The following SYTL5 variants were observed in gnomAD, a reference collection of about 807,000 sequenced individuals.
SYTL5 encodes the protein synaptotagmin-like protein 5.
Under a neutral mutation model 55.9 loss-of-function variants are expected in SYTL5, and 34 were observed. The observed-to-expected ratio is 0.61, with a 90% confidence interval of 0.46 to 0.81. The LOEUF (loss-of-function observed/expected upper bound fraction) is 0.81, where lower values mean the gene tolerates loss of function less well. Ranked by LOEUF, SYTL5 falls within the 30% of genes least tolerant of loss-of-function variation. The pLI is 0.00. For missense variants in SYTL5, 637 were observed against 546.7 expected (o/e 1.17, Z -1.65); for synonymous variants, 221 against 188.7 (o/e 1.17, Z -1.40).
At position 38,073,638 on chromosome X, in the gene SYTL5, AG is replaced by A; in HGVS notation, c.495del (p.Lys165AsnfsTer36). On this transcript the variant is annotated frameshift_variant, in exon 5 of 17. Transcript: ENST00000297875. LOFTEE classifies it high-confidence loss of function. ...GAGCAAACCCGCCAGGATGCAGAAA[AG>A]TCAGACACTTCACCTGTTGCTGGGA... Reference protein sequence around the residue: ...SQEQTRQDAEKSDTSPVAGKK... With the variant: ...SQEQTRQDAEXSDTSPVAGKK... 5 of 1,200,719 alleles carry A rather than the reference AG, an allele frequency of 4.2e-6. No individual in the cohort carries two copies. Among genetic ancestry groups the A allele is most frequent in the Non-Finnish European group, 5.6e-6 (5 of 890,019 alleles).
chrX:38,115,239 C>T lies in SYTL5; in HGVS notation c.1596+4757C>T, dbSNP rs751387014. ...GTGGCTCACGCCTGTAATCCCAGCA[C>T]TTTGGGAGGCCGAGGCGGGCGGATC... On this transcript the variant is annotated intron_variant, in intron 13 of 16. Coordinates refer to ENST00000297875, the MANE Select transcript of SYTL5 (RefSeq NM_138780.3). Among the ~76,000 whole-genome samples, 449 of 104,122 alleles carry T rather than the reference C, an allele frequency of 4.3e-3. 6 individuals carry two copies. The highest frequency in any genetic ancestry group is 0.015 in the Middle Eastern group (3 of 197). The allele number at this position is 104,122 out of a possible 115,157, so 90.4% of individuals were successfully genotyped here.
At chrX:38,029,500 C>T (rs1334061995) in intron 1 of SYTL5, among the ~76,000 whole-genome samples, 1 of 111,944 alleles carries the variant, frequency 8.9e-6, no homozygotes, top group Non-Finnish European at 1.9e-5. Flanking sequence ...CCAGGTGTGG[C>T]ACCTAAGACA....
the SYTL5 span, among the ~76,000 whole-genome samples, chrX:37,892,785 G>A: frequency 1.1e-5 from 1 of 93,555 alleles, no homozygotes; most frequent in Non-Finnish European, 2.1e-5. Flanking sequence ...CATATATTGT[G>A]TATATACATA....
In SYTL5 at chrX:38,110,394, G is replaced by A. The variant is rs762960155; in HGVS notation, c.1508G>A (p.Arg503His). 4.4e-5 allele frequency: 53 copies of A among 1,206,361 alleles called. No individual in the cohort carries two copies. Among genetic ancestry groups the A allele is most frequent in the African/African-American group, 7.0e-5 (4 of 56,927 alleles). Residue 503 changes from arginine (R) to histidine (H), a missense_variant, in exon 13 of 17, where the codon CGT (arginine) becomes CAT (histidine). Coordinates refer to ENST00000297875, the MANE Select transcript of SYTL5 (RefSeq NM_138780.3). Reference sequence around the variant, plus strand: ...GTCTGGCACTATGATCGATTTGGACGTAATAGCTTCCTCGGGGAAGTAGAG... The same window carrying A: ...GTCTGGCACTATGATCGATTTGGACATAATAGCTTCCTCGGGGAAGTAGAG... ...LSVWHYDRFG[R>H]NSFLGEVEIP...
chrX:37,965,494 C>G, the SYTL5 span, among the ~76,000 whole-genome samples: 2 of 111,196 alleles, frequency 1.8e-5, no homozygotes, highest in Admixed American at 9.5e-5. Context: ...TTTCAATCTT[C>G]TTAAATTTAT....
chrX:37,937,124 C>G, the SYTL5 span, among the ~76,000 whole-genome samples: 1 of 109,602 alleles, frequency 9.1e-6, no homozygotes, highest in Non-Finnish European at 1.9e-5. Context: ...TTCCAGGTCC[C>G]AATCCCCAGG....
At chrX:38,110,571 T>A in intron 13 of SYTL5, 89 bp downstream of exon 13, 1 of 792,743 alleles carries the variant, frequency 1.3e-6, no homozygotes, top group Non-Finnish European at 1.7e-6. Flanking sequence ...TTGAAGACTT[T>A]CAAATTTCAA....
chrX:37,901,741 T>A, the SYTL5 span, among the ~76,000 whole-genome samples: 2 of 111,716 alleles, frequency 1.8e-5, no homozygotes, highest in Non-Finnish European at 3.8e-5. Context: ...ATGAAAGAGT[T>A]GAGTATTGTG....
intron 15 of SYTL5, among the ~76,000 whole-genome samples, chrX:38,122,572 A>C (rs1370476294): frequency 8.9e-6 from 1 of 112,225 alleles, no homozygotes; most frequent in Non-Finnish European, 1.9e-5. Flanking sequence ...AATATGCAAC[A>C]ATCACCAAAA....
the SYTL5 span, among the ~76,000 whole-genome samples, chrX:37,956,440 A>G: frequency 4.5e-5 from 5 of 112,292 alleles, no homozygotes; most frequent in African/African-American, 9.7e-5. Context: ...TTGAATAGCA[A>G]GTGCCCATTT....
At chrX:37,892,360 A>T in the SYTL5 span, among the ~76,000 whole-genome samples, 135 of 106,043 alleles carry the variant, frequency 1.3e-3, no homozygotes, top group South Asian at 0.012. Context: ...ATTTATTTAT[A>T]TATAATATAT....
intron 1 of SYTL5, among the ~76,000 whole-genome samples, chrX:38,015,409 G>A (rs1934317921): frequency 8.9e-6 from 1 of 112,106 alleles, no homozygotes; most frequent in African/African-American, 3.2e-5. Flanking sequence ...ACCCTGTGAA[G>A]TTAGTACTAT....
At chrX:38,119,066 G>C (rs1379924012) in intron 13 of SYTL5, among the ~76,000 whole-genome samples, 1 of 108,319 alleles carries the variant, frequency 9.2e-6, no homozygotes, top group Non-Finnish European at 1.9e-5. Flanking sequence ...CTCCCACCTA[G>C]GCCTCCCAAA....
chrX:38,122,493 A>G (rs976352653), intron 15 of SYTL5, among the ~76,000 whole-genome samples: 19 of 112,573 alleles, frequency 1.7e-4, no homozygotes, highest in Admixed American at 4.7e-4. Flanking sequence ...ATTTATCGAA[A>G]GTGGACAAAA....
intron 5 of SYTL5, among the ~76,000 whole-genome samples, chrX:38,073,937 T>A (rs919123368): frequency 5.4e-5 from 6 of 111,891 alleles, no homozygotes; most frequent in African/African-American, 1.6e-4. Flanking sequence ...ATTTGACATA[T>A]CCAGTCTTGC....
At chrX:38,048,356 C>T (rs1409272665) in intron 2 of SYTL5, among the ~76,000 whole-genome samples, 1 of 109,127 alleles carries the variant, frequency 9.2e-6, no homozygotes, top group Non-Finnish European at 1.9e-5. Flanking sequence ...ATTTTCCTGT[C>T]TTCTTCTGAG....
At chrX:38,023,778 C>G (rs1243287582) in intron 1 of SYTL5, 2 of 111,001 alleles carry the variant, frequency 1.8e-5, no homozygotes, top group African/African-American at 6.5e-5. Context: ...TTTTTCAAAT[C>G]TTTCTCTTTT....
At chrX:38,073,533 G>T in intron 4 of SYTL5, 57 bp from the exon 5 acceptor site, 4 of 857,334 alleles carry the variant, frequency 4.7e-6, no homozygotes, top group East Asian at 3.4e-5. Context: ...ATATAAATTT[G>T]CTCTCATTTC....
intron 1 of SYTL5, among the ~76,000 whole-genome samples, chrX:38,031,400 C>T (rs1054321337): frequency 1.8e-5 from 2 of 111,623 alleles, no homozygotes; most frequent in Non-Finnish European, 3.8e-5. Flanking sequence ...CCTTCATGTG[C>T]TACCCATGGT....
Sources: gnomAD v4.1 joint callset for allele counts (sites outside exome capture counted in the v4.1 genomes callset) on GRCh38, gnomAD v4.1.1 for gene constraint, MANE v1.5 for transcripts, NCBI Gene and HGNC (gene_info 2026-07-23, HGNC 2026-07-21) for gene names.